XRN2: variants seen among roughly 807,000 people sequenced by gnomAD.
XRN2 encodes the protein DHM1-like protein.
A neutral mutation model predicts 138.5 loss-of-function variants in XRN2; 44 were observed. That is an observed-to-expected ratio of 0.32 (90% confidence interval 0.25 to 0.41). The LOEUF is 0.41. Among genes scored for constraint, XRN2 ranks in the 10% least tolerant of loss-of-function variants. XRN2 has a pLI of 1.00. For missense variants in XRN2, 937 were observed against 1,169.3 expected (o/e 0.80, Z 2.90); for synonymous variants, 354 against 369.4 (o/e 0.96, Z 0.48).
chr20:21,331,782 G>T lies in XRN2; in HGVS notation c.664G>T (p.Asp222Tyr). ...CTCTTGTTTAGCCCAGCCTAACCAT[G>T]ACCCAAATACTCATCATTGTTTATG... The part of the protein sequence containing the change: ...IRRQRAQPNH[D>Y]PNTHHCLCGA... The change falls in exon 8 of 30, where the codon GAC becomes TAC. Residue 222 changes from aspartate to tyrosine, a missense_variant. Coordinates refer to ENST00000377191, the MANE Select transcript of XRN2 (RefSeq NM_012255.5). The T allele has an allele frequency of 6.2e-7, 1 of 1,608,778 alleles. No individual in the cohort carries two copies. Among genetic ancestry groups the T allele is most frequent in the Non-Finnish European group, 8.5e-7 (1 of 1,178,760 alleles).
chr20:21,340,646 G>A, intron 14 of XRN2, 75 bp from the exon 15 acceptor site: 1 of 1,530,728 alleles, frequency 6.5e-7, no homozygotes, highest in Non-Finnish European at 8.9e-7. Context: ...TTATTCCATT[G>A]CCCTTCTTTC....
At chr20:21,361,763 C>T (rs1158150961) in intron 24 of XRN2, among the ~76,000 whole-genome samples, 1 of 152,156 alleles carries the variant, frequency 6.6e-6, no homozygotes, top group African/African-American at 2.4e-5. Flanking sequence ...TAATGGGTTC[C>T]TGCTTAGTCT....
At chr20:21,384,988 T>C (rs1402403948) in intron 28 of XRN2, among the ~76,000 whole-genome samples, 2 of 152,220 alleles carry the variant, frequency 1.3e-5, no homozygotes, top group Non-Finnish European at 2.9e-5. Flanking sequence ...CATGACATCC[T>C]TGCTTTGTTC....
Position 21,350,247 on chromosome 20 carries a change from C to T in XRN2, c.1936+786C>T, listed in dbSNP as rs1009071579. Reference sequence around the variant, plus strand: ...AAAATACAATAAAGAAATATCTTGGCCGGGCGCAGTGGCTCGCGCCTGTAA... The same window carrying T: ...AAAATACAATAAAGAAATATCTTGGTCGGGCGCAGTGGCTCGCGCCTGTAA... On this transcript the variant is annotated intron_variant, in intron 20 of 29. Coordinates refer to ENST00000377191, the MANE Select transcript of XRN2 (RefSeq NM_012255.5). Among the ~76,000 whole-genome samples, 3 of 152,096 alleles carry T rather than the reference C, an allele frequency of 2.0e-5. No individual in the cohort carries two copies. In the East Asian group the frequency reaches 5.8e-4, roughly 29 times the overall value.
intron 1 of XRN2, among the ~76,000 whole-genome samples, chr20:21,323,895 A>G (rs564790197): frequency 6.6e-6 from 1 of 152,280 alleles, no homozygotes; most frequent in Admixed American, 6.5e-5. Flanking sequence ...CACTCTTCAA[A>G]GGCAGATATT....
intron 15 of XRN2, among the ~76,000 whole-genome samples, chr20:21,342,101 G>A (rs1230413725): frequency 2.0e-5 from 3 of 152,120 alleles, no homozygotes; most frequent in African/African-American, 7.2e-5. Flanking sequence ...TCGAATCTTT[G>A]CAGAGTGGGA....
chr20:21,342,427 G>T (rs1462890835), intron 15 of XRN2, among the ~76,000 whole-genome samples: 2 of 152,230 alleles, frequency 1.3e-5, no homozygotes, highest in Non-Finnish European at 2.9e-5. Context: ...TATTTTTGTT[G>T]GTAGAGACAG....
At chr20:21,351,811 A>G (rs6035852) in intron 20 of XRN2, among the ~76,000 whole-genome samples, 103,291 of 152,052 alleles carry the variant, frequency 0.68, 35,793 homozygotes, top group South Asian at 0.84. Context: ...GTGCATATCA[A>G]ATTTTCCCGG....
intron 15 of XRN2, among the ~76,000 whole-genome samples, chr20:21,342,649 T>C (rs959490659): frequency 2.0e-5 from 3 of 152,228 alleles, no homozygotes; most frequent in Non-Finnish European, 2.9e-5. Context: ...CAATAGTGAT[T>C]ACTTACTGAA....
chr20:21,321,595 G>A (rs2038047331), intron 1 of XRN2, among the ~76,000 whole-genome samples: 2 of 152,082 alleles, frequency 1.3e-5, no homozygotes, highest in Non-Finnish European at 1.5e-5. Context: ...GCTGATTACA[G>A]GCATGAGCCA....
In XRN2 at chr20:21,368,541, A is replaced by T; in HGVS notation, c.2535A>T (p.Leu845Phe). 1 of 1,614,106 alleles carries T rather than the reference A, an allele frequency of 6.2e-7. No individual in the cohort carries two copies. Among genetic ancestry groups the T allele is most frequent in the Non-Finnish European group, 8.5e-7 (1 of 1,179,966 alleles). Residue 845 changes from leucine (L) to phenylalanine (F), a missense_variant, in exon 27 of 30, where the codon TTA becomes TTT. By Grantham distance (22) the Leu-to-Phe change is conservative (BLOSUM62 0). This residue lies in a region of XRN2 where 372 missense variants were observed against 414.4 expected (regional missense o/e 0.90). Coordinates refer to ENST00000377191, the MANE Select transcript of XRN2 (RefSeq NM_012255.5). The part of the protein sequence containing the change: ...APPPVTYQGN[L>F]YRPLLRGQAQ... ...CACCTGTGACTTACCAGGGAAACTT[A>T]TACAGGCCGCTTTTGAGAGGACAAG...
At chr20:21,333,881 C>T (rs762162827) in intron 11 of XRN2, 44 bp downstream of exon 11, 1 of 1,614,030 alleles carries the variant, frequency 6.2e-7, no homozygotes, top group South Asian at 1.1e-5. Context: ...TTTTAGGCTT[C>T]TTGACTTTAC....
intron 1 of XRN2, among the ~76,000 whole-genome samples, chr20:21,312,850 C>T (rs2037901838): frequency 6.6e-6 from 1 of 152,022 alleles, no homozygotes; most frequent in South Asian, 2.1e-4. Context: ...GATCCGCCTG[C>T]CTCAGCCTCC....
At chr20:21,305,370 T>C (rs1017518562) in intron 1 of XRN2, among the ~76,000 whole-genome samples, 4 of 152,154 alleles carry the variant, frequency 2.6e-5, no homozygotes, top group Non-Finnish European at 4.4e-5. Context: ...GCCATTCTTC[T>C]GCCACAGCGT....
intron 20 of XRN2, among the ~76,000 whole-genome samples, chr20:21,350,525 C>CAAAAAAAAAAAAAAAAAAAAA (rs11484426): frequency 3.4e-5 from 2 of 58,936 alleles, no homozygotes; most frequent in Non-Finnish European, 5.6e-5. Flanking sequence ...GACTCCGTCT[C>CAAAAAAAAAAAAAAAAAAAAA]AAAAAAAAAA....
rs775686209 is a variant in XRN2, at chr20:21,326,578, C to T, written c.292C>T (p.Leu98Phe). 6.2e-7 allele frequency: 1 copy of T among 1,613,766 alleles called. No homozygotes were observed. Among genetic ancestry groups the T allele is most frequent in the Non-Finnish European group, 8.5e-7 (1 of 1,179,854 alleles). Residue 98 changes from leucine (L) to phenylalanine (F), a missense_variant, in exon 3 of 30, where the codon CTC becomes TTC. Physicochemically the swap from Leu to Phe is conservative, Grantham distance 22 (BLOSUM62 0). Coordinates refer to ENST00000377191, the MANE Select transcript of XRN2 (RefSeq NM_012255.5). ...CAGTATTGTAAGACCAAGAAGACTT[C>T]TCTACATGGCAATAGATGGAGTGGT... Reference protein sequence around the residue: ...LFSIVRPRRLLYMAIDGVAPR... With the variant: ...LFSIVRPRRLFYMAIDGVAPR...
At chr20:21,359,940 G>A (rs2038618245) in intron 24 of XRN2, among the ~76,000 whole-genome samples, 1 of 151,478 alleles carries the variant, frequency 6.6e-6, no homozygotes, top group Admixed American at 6.6e-5. Flanking sequence ...TTGAGAAATC[G>A]TTTCCTCAAG....
chr20:21,338,400 C>T (rs546460524), intron 13 of XRN2, among the ~76,000 whole-genome samples: 24 of 152,240 alleles, frequency 1.6e-4, no homozygotes, highest in African/African-American at 5.3e-4. Context: ...TGGGCTGGAC[C>T]CTCTCCTGTG....
At chr20:21,356,751 T>TCACTATTATTAGAA in intron 23 of XRN2, 86 bp downstream of exon 23, 1 of 1,133,620 alleles carries the variant, frequency 8.8e-7, no homozygotes, top group Non-Finnish European at 1.3e-6. Flanking sequence ...GTTTATTTTC[T>TCACTATTATTAGAA]AATAATAGTG....
Sources: allele counts gnomAD v4.1 joint callset (sites outside exome capture counted in the v4.1 genomes callset), GRCh38; gene constraint gnomAD v4.1.1; regional missense constraint gnomAD v4.1.1; transcripts MANE v1.5; gene names NCBI Gene and HGNC (gene_info 2026-07-23, HGNC 2026-07-21).